The following SLC12A6 variants were observed in gnomAD, a reference collection of about 807,000 sequenced individuals.
SLC12A6 encodes solute carrier family 12 member 6.
Under a neutral mutation model 135.3 loss-of-function variants are expected in SLC12A6, and 66 were observed. The observed-to-expected ratio is 0.49, with a 90% CI of 0.40 to 0.60. SLC12A6 has a LOEUF of 0.60. SLC12A6 is among the 20% of genes least tolerant of loss of function. The pLI, the probability that SLC12A6 is intolerant of heterozygous loss-of-function variation, is 0.00. For missense variants in SLC12A6, 1,058 were observed against 1,452.3 expected (o/e 0.73, Z 4.41); for synonymous variants, 513 against 508.8 (o/e 1.01, Z -0.11).
rs948592710 is a variant in SLC12A6, at chr15:34,245,679, A to G, written c.1824+14T>C. On this transcript the variant is annotated intron_variant, in intron 14 of 25. Coordinates refer to ENST00000354181, the MANE Select transcript of SLC12A6 (RefSeq NM_001365088.1). Reference sequence around the variant, plus strand: ...TGGGAAAAAAAGAAGAGGGCATAATAAAAGGTCACTCACCCTCAGAAACGG... The same window carrying G: ...TGGGAAAAAAAGAAGAGGGCATAATGAAAGGTCACTCACCCTCAGAAACGG... The G allele has an allele frequency of 1.2e-6, 2 of 1,604,730 alleles. No individual in the cohort carries two copies. The highest frequency in any genetic ancestry group is 1.3e-5 in the African/African-American group (1 of 74,876).
chr15:34,251,189 G>C (rs996938853), intron 10 of SLC12A6, 132 bp from the exon 11 acceptor site: 11 of 712,646 alleles, frequency 1.5e-5, no homozygotes, highest in Non-Finnish European at 2.8e-5. Flanking sequence ...TTCTACATGA[G>C]CACATGTATA....
At position 34,261,086 on chromosome 15, in the gene SLC12A6, G is replaced by C. The variant is rs993255737; in HGVS notation, c.317-66C>G. ...TTCTGACGAAGAAACATCAGCACCAGATAAGTGCAGGTTGCTTCGGTATTA... is the reference window on the plus strand; with the variant it reads ...TTCTGACGAAGAAACATCAGCACCACATAAGTGCAGGTTGCTTCGGTATTA... On this transcript the variant is annotated intron_variant, in intron 3 of 25. Coordinates refer to ENST00000354181, the MANE Select transcript of SLC12A6 (RefSeq NM_001365088.1). 44 of 838,846 alleles carry C rather than the reference G, an allele frequency of 5.2e-5. 1 individual carries two copies. The highest frequency in any genetic ancestry group is 3.9e-4 in the Admixed American group (23 of 58,766). 52.0% of individuals were successfully genotyped at this position (838,846 alleles called of 1,614,324 possible).
intron 8 of SLC12A6, 26 bp downstream of exon 8, chr15:34,255,236 T>C (rs763603558): frequency 8.5e-6 from 13 of 1,528,884 alleles, no homozygotes; most frequent in Admixed American, 3.3e-5. Context: ...TTCTATATTA[T>C]AGACCACAAT....
At chr15:34,323,073 TGA>T (rs1889226637) in intron 2 of SLC12A6, among the ~76,000 whole-genome samples, 2 of 150,524 alleles carry the variant, frequency 1.3e-5, no homozygotes, top group African/African-American at 2.5e-5. Flanking sequence ...GACACCATTA[TGA>T]AAATGAATAG....
Position 34,336,300 on chromosome 15 carries a change from T to C in SLC12A6, c.271+110A>G, listed in dbSNP as rs898495274. ...CACAAAGAGATGCCTTGGTTCCTGA[T>C]GACTATTATAATCATAATTATATGA... On this transcript the variant is annotated intron_variant, in intron 2 of 25. Coordinates refer to ENST00000354181, the MANE Select transcript of SLC12A6 (RefSeq NM_001365088.1). 1.2e-5 allele frequency: 11 copies of C among 908,490 alleles called. No homozygotes were observed. The African/African-American group carries it at 1.5e-4, about 12-fold the overall frequency. 56.3% of individuals were successfully genotyped at this position (908,490 alleles called of 1,614,324 possible).
chr15:34,289,290 T>C (rs938816460), intron 2 of SLC12A6, among the ~76,000 whole-genome samples: 3 of 152,244 alleles, frequency 2.0e-5, no homozygotes, highest in African/African-American at 2.4e-5. Context: ...ATTACGTTTA[T>C]TGATTTGCTA....
At chr15:34,234,406 C>G (rs762059204) in intron 25 of SLC12A6, among the ~76,000 whole-genome samples, 4 of 151,814 alleles carry the variant, frequency 2.6e-5, no homozygotes, top group Non-Finnish European at 5.9e-5. Context: ...AGAATTTCCT[C>G]TTGTTGCCCA....
chr15:34,308,630 C>CAAAAAAAAAAAAAAAAA (rs536506096), intron 2 of SLC12A6, among the ~76,000 whole-genome samples: 2 of 63,334 alleles, frequency 3.2e-5, no homozygotes, highest in African/African-American at 5.0e-5. Context: ...GTCCACCTGA[C>CAAAAAAAAAAAAAAAAA]AAAAAAAAAA....
At chr15:34,318,855 G>A in intron 2 of SLC12A6, 1 of 1,463,566 alleles carries the variant, frequency 6.8e-7, no homozygotes, top group Non-Finnish European at 9.0e-7. Flanking sequence ...AGGGAGTGGG[G>A]CGCTTGAAGA....
intron 2 of SLC12A6, among the ~76,000 whole-genome samples, chr15:34,319,238 C>T (rs140537733): frequency 1.1e-3 from 161 of 151,068 alleles, no homozygotes; most frequent in African/African-American, 3.7e-3. Context: ...CAGGTTCAAG[C>T]GATTCTCCTG....
chr15:34,315,752 G>A (rs565154516), intron 2 of SLC12A6, among the ~76,000 whole-genome samples: 1 of 152,182 alleles, frequency 6.6e-6, no homozygotes. Context: ...TTTGGAGACT[G>A]AGGCGGGCGG....
chr15:34,237,407 C>G lies in SLC12A6; in HGVS notation c.2934+12G>C, dbSNP rs11854257. 3.5e-3 allele frequency: 5,647 copies of G among 1,609,038 alleles called. 189 individuals carry two copies. In the African/African-American group the frequency reaches 0.066, roughly 19 times the overall value. Reference sequence around the variant, plus strand: ...GAATGAACCTCTTGTATCTCAAACTCAGCTTTCTCACCATCTCCACCACTT... The same window carrying G: ...GAATGAACCTCTTGTATCTCAAACTGAGCTTTCTCACCATCTCCACCACTT... On this transcript the variant is annotated intron_variant, in intron 22 of 25. Transcript: ENST00000354181.
intron 3 of SLC12A6, among the ~76,000 whole-genome samples, chr15:34,264,001 A>G (rs1235982659): frequency 6.7e-6 from 1 of 150,332 alleles, no homozygotes; most frequent in African/African-American, 2.5e-5. Context: ...ACATTAATAA[A>G]TAGAAAAAAA....
chr15:34,318,532 T>A (rs1187668240), intron 2 of SLC12A6: 1 of 1,583,092 alleles, frequency 6.3e-7, no homozygotes, highest in Non-Finnish European at 8.7e-7. Context: ...ATTTTATAGG[T>A]TCCAAAAGCT....
At chr15:34,258,767 TA>T in intron 5 of SLC12A6, 45 bp downstream of exon 5, 2 of 1,525,886 alleles carry the variant, frequency 1.3e-6, no homozygotes, top group Non-Finnish European at 9.1e-7. Context: ...TTCTTTCTTA[TA>T]TACAGGGCTC....
intron 2 of SLC12A6, among the ~76,000 whole-genome samples, chr15:34,333,485 C>A (rs1046736786): frequency 6.6e-6 from 1 of 151,960 alleles, no homozygotes; most frequent in Admixed American, 6.6e-5. Context: ...CCCGCCTCGG[C>A]CTCCCAAAGT....
At chr15:34,238,433 T>A in intron 20 of SLC12A6, 32 bp from the exon 21 acceptor site, 1 of 1,538,302 alleles carries the variant, frequency 6.5e-7, no homozygotes, top group Non-Finnish European at 9.0e-7. Context: ...CAGAGAAGAA[T>A]CCTTAGGCTT....
intron 3 of SLC12A6, among the ~76,000 whole-genome samples, chr15:34,265,394 A>G (rs769377517): frequency 3.5e-5 from 5 of 140,848 alleles, no homozygotes; most frequent in Admixed American, 2.1e-4. Flanking sequence ...AAAAACAACA[A>G]CAGCAATTAA....
intron 2 of SLC12A6, among the ~76,000 whole-genome samples, chr15:34,331,775 G>A (rs1036585815): frequency 1.3e-5 from 2 of 152,126 alleles, no homozygotes; most frequent in African/African-American, 2.4e-5. Flanking sequence ...ATTATATCTG[G>A]ATATGGGGTT....
Sources: gnomAD v4.1 joint callset for allele counts (sites outside exome capture counted in the v4.1 genomes callset) on GRCh38, gnomAD v4.1.1 for gene constraint, MANE v1.5 for transcripts, NCBI Gene and HGNC (gene_info 2026-07-23, HGNC 2026-07-21) for gene names.